Variants in PKIB observed in about 807,000 individuals in gnomAD.
PKIB encodes cAMP-dependent protein kinase inhibitor beta.
In PKIB, 2 loss-of-function variants were observed where a neutral mutation model predicts 4.5. The ratio of observed to expected loss-of-function variants is 0.44; its 90% CI spans 0.18 to 1.39. The LOEUF (loss-of-function observed/expected upper bound fraction) is 1.39, where lower values mean the gene tolerates loss of function less well. Ranked by LOEUF, PKIB falls within the 40% of genes most tolerant of loss-of-function variation. PKIB has a pLI of 0.27. For missense variants in PKIB, 94 were observed against 92.6 expected (o/e 1.02, Z -0.06); for synonymous variants, 38 against 36.0 (o/e 1.06, Z -0.20).
intron 1 of PKIB, among the ~76,000 whole-genome samples, chr6:122,616,225 G>A (rs112089328): frequency 2.4e-4 from 36 of 152,158 alleles, no homozygotes; most frequent in Admixed American, 1.7e-3. Flanking sequence ...TTGTCATAGC[G>A]ACAAAGGTAT....
intron 2 of PKIB, among the ~76,000 whole-genome samples, chr6:122,525,362 G>T (rs1178701688): frequency 6.6e-6 from 1 of 152,046 alleles, no homozygotes; most frequent in African/African-American, 2.4e-5. Context: ...TTGTTTTATG[G>T]CCCATTAAAG....
rs930113750 is a variant in PKIB, at chr6:122,662,534, G to T, written c.-75-12544G>T. 5.4e-4 allele frequency among the ~76,000 whole-genome samples: 81 copies of T among 151,336 alleles called. 1 individual carries two copies. The highest frequency in any genetic ancestry group is 5.3e-3 in the Admixed American group (81 of 15,172). Reference sequence around the variant, plus strand: ...AGGGTTTCCCCATGTTGGACAGGCTGGTCTCGAACTCCTGACATCAGGCGA... The same window carrying T: ...AGGGTTTCCCCATGTTGGACAGGCTTGTCTCGAACTCCTGACATCAGGCGA... On this transcript the variant is annotated intron_variant, in intron 2 of 4. Coordinates refer to ENST00000368452, the MANE Select transcript of PKIB (RefSeq NM_181795.3).
intron 1 of PKIB, among the ~76,000 whole-genome samples, chr6:122,621,960 G>T (rs901294170): frequency 1.3e-5 from 2 of 152,104 alleles, no homozygotes; most frequent in African/African-American, 4.8e-5. Flanking sequence ...CTCGGTGGTT[G>T]CCTTCTAAGA....
At chr6:122,534,957 C>T (rs896159780) in intron 2 of PKIB, among the ~76,000 whole-genome samples, 1 of 152,166 alleles carries the variant, frequency 6.6e-6, no homozygotes, top group Non-Finnish European at 1.5e-5. Context: ...CTTCAACACA[C>T]ATGTATTACC....
intron 2 of PKIB, among the ~76,000 whole-genome samples, chr6:122,670,727 GA>G (rs1403409121): frequency 1.3e-5 from 2 of 152,160 alleles, no homozygotes; most frequent in Non-Finnish European, 2.9e-5. Context: ...TAGTTCATTT[GA>G]GTTGGTGGAC....
At chr6:122,492,063 A>G (rs1298225234) in intron 2 of PKIB, among the ~76,000 whole-genome samples, 3 of 152,186 alleles carry the variant, frequency 2.0e-5, no homozygotes, top group African/African-American at 4.8e-5. Flanking sequence ...CAGAGGCTTA[A>G]GCCACACATC....
At chr6:122,723,865 T>G (rs1016474399) in intron 4 of PKIB, among the ~76,000 whole-genome samples, 4 of 152,220 alleles carry the variant, frequency 2.6e-5, no homozygotes, top group Admixed American at 1.3e-4. Flanking sequence ...ATTAGCCCTT[T>G]TTACTTCTTA....
At chr6:122,509,494 G>A (rs556049530) in intron 2 of PKIB, among the ~76,000 whole-genome samples, 1 of 150,948 alleles carries the variant, frequency 6.6e-6, no homozygotes, top group Admixed American at 6.6e-5. Context: ...CCAGTGGTGC[G>A]ATCTCGGCTC....
At chr6:122,603,974 A>G (rs922557310) in intron 3 of PKIB, among the ~76,000 whole-genome samples, 2 of 152,186 alleles carry the variant, frequency 1.3e-5, no homozygotes, top group African/African-American at 4.8e-5. Context: ...GTGTGTGTGT[A>G]CTTATGGTCA....
intron 2 of PKIB, among the ~76,000 whole-genome samples, chr6:122,665,776 G>A (rs1422541764): frequency 2.0e-5 from 3 of 152,112 alleles, no homozygotes; most frequent in Non-Finnish European, 4.4e-5. Context: ...TTATTTAGAG[G>A]TAATTGTTTT....
intron 1 of PKIB, among the ~76,000 whole-genome samples, chr6:122,624,026 A>C (rs577253530): frequency 6.6e-6 from 1 of 152,164 alleles, no homozygotes; most frequent in African/African-American, 2.4e-5. Flanking sequence ...CTATTATTAT[A>C]GATATTTTTA....
At chr6:122,543,475 G>A (rs1361615443) in intron 2 of PKIB, among the ~76,000 whole-genome samples, 1 of 151,590 alleles carries the variant, frequency 6.6e-6, no homozygotes, top group Non-Finnish European at 1.5e-5. Flanking sequence ...CACCTCCCAG[G>A]TTCAAGTGAT....
At position 122,567,539 on chromosome 6, in the gene PKIB, T is replaced by C. The variant is rs377697629; in HGVS notation, c.-247-18382T>C. 2.8e-3 allele frequency among the ~76,000 whole-genome samples: 427 copies of C among 152,310 alleles called. 2 individuals are homozygous for C. The highest frequency in any genetic ancestry group is 9.6e-3 in the African/African-American group (399 of 41,558). The stretch of plus-strand genomic sequence containing the variant: ...CAAAATAAAACACCAGCATTAGTTA[T>C]CTTCACTCAATTTTTAAATTAGCTA... On this transcript the variant is annotated intron_variant, in intron 2 of 6. Coordinates refer to the PKIB transcript ENST00000392491.
intron 1 of PKIB, among the ~76,000 whole-genome samples, chr6:122,615,239 G>T (rs750484968): frequency 1.3e-5 from 2 of 152,260 alleles, no homozygotes; most frequent in African/African-American, 2.4e-5. Context: ...ATGCCATGAA[G>T]CTGTGCATAT....
In PKIB at chr6:122,482,544, ATTT is replaced by A. The variant is rs571676167; in HGVS notation, c.-248+4626_-248+4628del. On this transcript the variant is annotated intron_variant, in intron 2 of 6. Coordinates refer to the PKIB transcript ENST00000392491. ...TGAGGAAGAGATAACTTTAGGTTGG[ATTT>A]TTTTTTTTTTTTTTTTTTTTGCAGA... 460 of 103,710 alleles carry A rather than the reference ATTT, an allele frequency of 4.4e-3. 2 individuals are homozygous for A. The highest frequency in any genetic ancestry group is 0.015 in the African/African-American group (385 of 25,212). 6.4% of individuals were successfully genotyped at this position (103,710 alleles called of 1,614,324 possible).
chr6:122,489,007 T>G (rs972936165), intron 2 of PKIB, among the ~76,000 whole-genome samples: 1 of 152,136 alleles, frequency 6.6e-6, no homozygotes, highest in Non-Finnish European at 1.5e-5. Flanking sequence ...TATTCTCAAT[T>G]TATTCACTTA....
At chr6:122,563,855 A>G (rs1001163072) in intron 2 of PKIB, among the ~76,000 whole-genome samples, 2 of 152,162 alleles carry the variant, frequency 1.3e-5, no homozygotes, top group African/African-American at 2.4e-5. Context: ...GCAGAGGGGA[A>G]GACAGGCTTG....
At chr6:122,595,524 G>A (rs1774151789) in intron 3 of PKIB, among the ~76,000 whole-genome samples, 1 of 152,196 alleles carries the variant, frequency 6.6e-6, no homozygotes, top group Admixed American at 6.5e-5. Context: ...ATTGTGTGCA[G>A]GAGAGGCAAA....
chr6:122,683,408 T>G (rs1015954564), intron 3 of PKIB, among the ~76,000 whole-genome samples: 2 of 151,986 alleles, frequency 1.3e-5, no homozygotes, highest in Non-Finnish European at 2.9e-5. Context: ...TACCAGATCT[T>G]GAGGGAATTC....
Sources: gnomAD v4.1 joint callset for allele counts (sites outside exome capture counted in the v4.1 genomes callset) on GRCh38, gnomAD v4.1.1 for gene constraint, MANE v1.5 for transcripts, NCBI Gene and HGNC (gene_info 2026-07-23, HGNC 2026-07-21) for gene names.